Variants in BTBD9 observed in about 807,000 individuals in gnomAD.
The protein encoded by BTBD9 is BTB domain containing 9, also known as BTB/POZ domain-containing protein 9.
A neutral mutation model predicts 64.3 loss-of-function variants in BTBD9; 49 were observed. That is an observed-to-expected ratio of 0.76 (90% CI 0.61 to 0.97). The LOEUF (loss-of-function observed/expected upper bound fraction) is 0.97. Ranked by LOEUF, BTBD9 falls within the 50% of genes least tolerant of loss-of-function variation. BTBD9 has a pLI of 0.00. For missense variants in BTBD9, 598 were observed against 762.1 expected (o/e 0.78, Z 2.53); for synonymous variants, 260 against 274.7 (o/e 0.95, Z 0.53).
At chr6:38,310,646 C>A (rs1582208247) in intron 7 of BTBD9, among the ~76,000 whole-genome samples, 1 of 151,992 alleles carries the variant, frequency 6.6e-6, no homozygotes, top group African/African-American at 2.4e-5. Flanking sequence ...AAAATGGATA[C>A]AGTAGTTTTT....
chr6:38,595,652 A>G (rs999089840), intron 2 of BTBD9: 8 of 337,222 alleles, frequency 2.4e-5, no homozygotes, highest in African/African-American at 4.5e-5. Flanking sequence ...TAGGACTAGC[A>G]TTTCAGGTTT....
chr6:38,443,288 T>G (rs1769123014), intron 6 of BTBD9, among the ~76,000 whole-genome samples: 1 of 152,170 alleles, frequency 6.6e-6, no homozygotes, highest in Non-Finnish European at 1.5e-5. Context: ...TAAGATTAGT[T>G]TAGGCTGGTC....
At chr6:38,300,240 A>G (rs1048285945) in intron 7 of BTBD9, among the ~76,000 whole-genome samples, 8 of 152,200 alleles carry the variant, frequency 5.3e-5, no homozygotes, top group Non-Finnish European at 7.3e-5. Flanking sequence ...AACCAGTACC[A>G]TGCTGTTTTG....
rs1303546009 is a variant in BTBD9, at chr6:38,637,935, G to A, written c.-28+1865C>T. Among the ~76,000 whole-genome samples, 12 of 152,116 alleles carry A rather than the reference G, an allele frequency of 7.9e-5. 1 individual carries two copies. In the South Asian group the frequency reaches 1.0e-3, roughly 13 times the overall value. On this transcript the variant is annotated intron_variant, in intron 1 of 10. Transcript: ENST00000481247. Reference sequence around the variant, plus strand: ...TTAACAGTGGGATGCTGATAAGCCCGCCTTAATCCTTAACACTTTGCCTTC... The same window carrying A: ...TTAACAGTGGGATGCTGATAAGCCCACCTTAATCCTTAACACTTTGCCTTC...
chr6:38,624,440 A>G (rs532780402), intron 1 of BTBD9, among the ~76,000 whole-genome samples: 42 of 152,232 alleles, frequency 2.8e-4, no homozygotes, highest in Middle Eastern at 3.4e-3. Context: ...TCATTCTTGA[A>G]GTCAGAGAGA....
At chr6:38,561,849 G>A (rs1775278529) in intron 6 of BTBD9, among the ~76,000 whole-genome samples, 1 of 152,040 alleles carries the variant, frequency 6.6e-6, no homozygotes, top group South Asian at 2.1e-4. Flanking sequence ...TGGGTGACAG[G>A]ACCATTTGTA....
intron 6 of BTBD9, among the ~76,000 whole-genome samples, chr6:38,461,910 T>C (rs902022817): frequency 3.9e-5 from 6 of 152,184 alleles, no homozygotes; most frequent in Admixed American, 3.9e-4. Context: ...AATTTGCATT[T>C]CCCTAACATC....
chr6:38,435,604 T>TTCCG lies in BTBD9; in HGVS notation c.1155-90512_1155-90511insCGGA, dbSNP rs796679416. On this transcript the variant is annotated intron_variant, in intron 6 of 10. Coordinates refer to ENST00000481247, the MANE Select transcript of BTBD9 (RefSeq NM_001099272.2). ...CCTTCTTTCTTTTCTTTTCCCTCCC[T>TTCCG]TCCTTCCTTCCCTCCCCCTCCCTCC... Among the ~76,000 whole-genome samples, 14 of 5,570 alleles carry TTCCG rather than the reference T, an allele frequency of 2.5e-3. 1 individual carries two copies. The highest frequency in any genetic ancestry group is 7.3e-3 in the African/African-American group (13 of 1,788). The allele number at this position is 5,570 out of a possible 152,430, so 3.7% of individuals were successfully genotyped here. A position where few individuals can be genotyped will look rare whatever the true frequency, so the allele number is the denominator to read the frequency against.
At chr6:38,232,631 T>C (rs1763648134) in intron 9 of BTBD9, among the ~76,000 whole-genome samples, 1 of 151,994 alleles carries the variant, frequency 6.6e-6, no homozygotes, top group African/African-American at 2.4e-5. Flanking sequence ...TTTATTTTAT[T>C]TTATTATTAT....
chr6:38,332,725 G>T (rs973527235), intron 7 of BTBD9, among the ~76,000 whole-genome samples: 14 of 152,002 alleles, frequency 9.2e-5, no homozygotes, highest in African/African-American at 3.4e-4. Context: ...CTGGGATTTT[G>T]AGTAGTAGTA....
intron 9 of BTBD9, among the ~76,000 whole-genome samples, chr6:38,230,525 A>G: frequency 7.1e-6 from 1 of 141,004 alleles, no homozygotes; most frequent in Admixed American, 7.0e-5. Context: ...AAAAAAAGAC[A>G]TAAGTTCTTA....
intron 8 of BTBD9, among the ~76,000 whole-genome samples, chr6:38,272,195 C>T (rs1007674835): frequency 6.6e-6 from 1 of 151,974 alleles, no homozygotes; most frequent in African/African-American, 2.4e-5. Context: ...AGTCAATAAA[C>T]AATATGTCAA....
intron 7 of BTBD9, among the ~76,000 whole-genome samples, chr6:38,334,988 T>C (rs1275236248): frequency 6.6e-6 from 1 of 152,128 alleles, no homozygotes; most frequent in East Asian, 1.9e-4. Context: ...GACTGGATCA[T>C]GAGGGTGGAA....
intron 6 of BTBD9, among the ~76,000 whole-genome samples, chr6:38,425,339 C>T (rs1562167496): frequency 6.6e-6 from 1 of 150,662 alleles, no homozygotes; most frequent in Non-Finnish European, 1.5e-5. Context: ...CTCCTGACCT[C>T]GTCATCTGCC....
At position 38,593,946 on chromosome 6, in the gene BTBD9, T is replaced by G; in HGVS notation, c.549+18A>C. ...AAACAATGCATGCCTATAAATTACT[T>G]GTAGACAAATGACACACCTTAGAAA... On this transcript the variant is annotated intron_variant, in intron 3 of 10. Transcript: ENST00000481247. 1 of 1,594,526 alleles carries G rather than the reference T, an allele frequency of 6.3e-7. No homozygotes were observed. The highest frequency in any genetic ancestry group is 8.6e-7 in the Non-Finnish European group (1 of 1,168,476).
intron 6 of BTBD9, among the ~76,000 whole-genome samples, chr6:38,501,401 C>G (rs1169564635): frequency 1.3e-5 from 2 of 152,216 alleles, no homozygotes; most frequent in African/African-American, 2.4e-5. Context: ...CTTCTGGTCC[C>G]AAGCATTTCA....
intron 6 of BTBD9, among the ~76,000 whole-genome samples, chr6:38,437,437 T>G (rs1186854680): frequency 6.6e-6 from 1 of 152,240 alleles, no homozygotes; most frequent in African/African-American, 2.4e-5. Flanking sequence ...CTTATCTGGA[T>G]TCATGTTCTT....
At chr6:38,450,325 A>G (rs145281141) in intron 6 of BTBD9, among the ~76,000 whole-genome samples, 3 of 152,326 alleles carry the variant, frequency 2.0e-5, no homozygotes, top group Admixed American at 6.5e-5. Context: ...GTTAGACAGA[A>G]TAAGTTCAAG....
At chr6:38,442,557 A>G (rs991690165) in intron 6 of BTBD9, among the ~76,000 whole-genome samples, 2 of 151,862 alleles carry the variant, frequency 1.3e-5, no homozygotes, top group Admixed American at 6.6e-5. Context: ...AGAAGTTAAT[A>G]TGATGACCCC....
Sources: allele counts gnomAD v4.1 joint callset (sites outside exome capture counted in the v4.1 genomes callset), GRCh38; gene constraint gnomAD v4.1.1; transcripts MANE v1.5; gene names NCBI Gene and HGNC (gene_info 2026-07-23, HGNC 2026-07-21).